Variants in ARRB1 observed in about 807,000 individuals in gnomAD.
ARRB1 encodes the protein beta-arrestin-1.
ARRB1 carries 21 observed loss-of-function variants against 56.8 expected under a neutral mutation model. The ratio of observed to expected loss-of-function variants is 0.37; its 90% CI spans 0.26 to 0.53. The LOEUF (loss-of-function observed/expected upper bound fraction) is 0.53, where lower values mean the gene tolerates loss of function less well. Among genes scored for constraint, ARRB1 ranks in the 20% least tolerant of loss-of-function variants. The pLI is 0.88. For missense variants in ARRB1, 424 were observed against 553.7 expected (o/e 0.77, Z 2.35); for synonymous variants, 210 against 218.6 (o/e 0.96, Z 0.35).
chr11:75,340,209 C>T (rs1267678029), intron 1 of ARRB1, among the ~76,000 whole-genome samples: 1 of 152,248 alleles, frequency 6.6e-6, no homozygotes, highest in African/African-American at 2.4e-5. Context: ...CAAATTATCT[C>T]AGGACGAGGC....
intron 8 of ARRB1, 89 bp from the exon 9 acceptor site, chr11:75,277,537 T>C: frequency 1.6e-6 from 2 of 1,239,350 alleles, no homozygotes; most frequent in South Asian, 2.5e-5. Context: ...CGCGATCTTC[T>C]GGGGTTCCCC....
At chr11:75,314,792 C>A (rs528090646) in intron 1 of ARRB1, among the ~76,000 whole-genome samples, 358 of 151,256 alleles carry the variant, frequency 2.4e-3, no homozygotes, top group Non-Finnish European at 2.1e-3. Flanking sequence ...TTTTTTGTAG[C>A]GATGGGGTTT....
intron 1 of ARRB1, among the ~76,000 whole-genome samples, chr11:75,294,552 G>A (rs1165605598): frequency 3.5e-5 from 5 of 142,328 alleles, no homozygotes; most frequent in South Asian, 2.3e-4. Flanking sequence ...GCAAGACTCC[G>A]TCTCAAAAAT....
chr11:75,320,723 C>T (rs569375631), intron 1 of ARRB1, among the ~76,000 whole-genome samples: 2 of 152,312 alleles, frequency 1.3e-5, no homozygotes, highest in Non-Finnish European at 2.9e-5. Flanking sequence ...ACCGCACAAA[C>T]TCAAAAACAT....
intron 1 of ARRB1, among the ~76,000 whole-genome samples, chr11:75,350,767 G>A (rs1406696283): frequency 6.6e-6 from 1 of 152,200 alleles, no homozygotes; most frequent in Non-Finnish European, 1.5e-5. Context: ...GATGAAATGC[G>A]ATCTGTTTTC....
At chr11:75,339,014 A>G (rs1382119009) in intron 1 of ARRB1, among the ~76,000 whole-genome samples, 1 of 152,146 alleles carries the variant, frequency 6.6e-6, no homozygotes, top group Non-Finnish European at 1.5e-5. Flanking sequence ...GGTAAAGGGG[A>G]GGGGAGAACC....
chr11:75,268,837 C>A, intron 14 of ARRB1, 52 bp downstream of exon 14: 1 of 1,585,964 alleles, frequency 6.3e-7, no homozygotes, highest in Non-Finnish European at 8.6e-7. Flanking sequence ...TACAGGGTCA[C>A]GTGGCAGCTG....
chr11:75,288,616 CTTT>C lies in ARRB1; in HGVS notation c.52-1244_52-1242del, dbSNP rs10580123. Among the ~76,000 whole-genome samples the C allele has an allele frequency of 8.2e-3, 1,100 of 133,536 alleles. 12 individuals carry two copies. Among genetic ancestry groups the C allele is most frequent in the African/African-American group, 0.023 (838 of 36,416 alleles). The allele number at this position is 133,536 out of a possible 152,430, so 87.6% of individuals were successfully genotyped here. A position where few individuals can be genotyped will look rare whatever the true frequency, so the allele number is the denominator to read the frequency against. ...TAGTCACCCTAAAATGCAAATCTTT[CTTT>C]TTTTTTTTTTTTTTGAGATGGAGTC... On this transcript the variant is annotated intron_variant, in intron 2 of 15. Transcript: ENST00000420843.
intron 1 of ARRB1, among the ~76,000 whole-genome samples, chr11:75,312,547 G>A (rs1200036168): frequency 2.0e-5 from 3 of 152,174 alleles, no homozygotes; most frequent in South Asian, 2.1e-4. Context: ...ACAGCCCCCC[G>A]AGATGCCCAC....
chr11:75,312,008 G>A, intron 1 of ARRB1: 5 of 1,279,858 alleles, frequency 3.9e-6, no homozygotes, highest in Non-Finnish European at 5.1e-6. Flanking sequence ...CGTTCTCGAA[G>A]GCCCAGATCG....
chr11:75,322,725 C>T (rs754526027), intron 1 of ARRB1, among the ~76,000 whole-genome samples: 7 of 152,124 alleles, frequency 4.6e-5, no homozygotes, highest in Non-Finnish European at 8.8e-5. Flanking sequence ...TGCTTTAGTA[C>T]GTTCACTTTG....
At position 75,287,523 on chromosome 11, in the gene ARRB1, C is replaced by T. The variant is rs1217499736; in HGVS notation, c.52-148G>A. ...ATCCTAAGTGGACTTGGGCCTTCAC[C>T]CCAGCCCTAATACCAAGATTCGCAA... On this transcript the variant is annotated intron_variant, in intron 2 of 15. Transcript: ENST00000420843. The T allele has an allele frequency of 9.8e-6, 7 of 715,610 alleles. No individual in the cohort carries two copies. In the East Asian group the frequency reaches 1.4e-4, roughly 15 times the overall value. 44.3% of individuals were successfully genotyped at this position (715,610 alleles called of 1,614,324 possible). A position where few individuals can be genotyped will look rare whatever the true frequency, so the allele number is the denominator to read the frequency against.
At chr11:75,341,096 G>C (rs1387344875) in intron 1 of ARRB1, among the ~76,000 whole-genome samples, 1 of 152,086 alleles carries the variant, frequency 6.6e-6, no homozygotes, top group African/African-American at 2.4e-5. Flanking sequence ...CATGGGAGAG[G>C]GAAGGAGCTG....
intron 15 of ARRB1, 50 bp downstream of exon 15, chr11:75,267,602 C>T (rs749495357): frequency 8.9e-6 from 13 of 1,462,732 alleles, no homozygotes; most frequent in East Asian, 2.3e-5. Context: ...CCCTCCACCC[C>T]GCCCACCCGC....
chr11:75,304,910 A>G (rs1041879310), intron 1 of ARRB1, among the ~76,000 whole-genome samples: 3 of 151,990 alleles, frequency 2.0e-5, no homozygotes, highest in African/African-American at 7.2e-5. Context: ...GAGGAAAAAA[A>G]AAAGTTTAAA....
intron 1 of ARRB1, among the ~76,000 whole-genome samples, chr11:75,291,642 C>G (rs2140442313): frequency 6.6e-6 from 1 of 152,204 alleles, no homozygotes; most frequent in Middle Eastern, 3.4e-3. Flanking sequence ...GCTCCAGGAT[C>G]TCTCAAAGTA....
At chr11:75,267,598 A>ACCCCCCCCCCCCC in intron 15 of ARRB1, 54 bp downstream of exon 15, 1 of 1,419,702 alleles carries the variant, frequency 7.0e-7, no homozygotes, top group Non-Finnish European at 9.9e-7. Context: ...GACCCCCTCC[A>ACCCCCCCCCCCCC]CCCCGCCCAC....
intron 10 of ARRB1, among the ~76,000 whole-genome samples, chr11:75,276,473 C>T (rs1412471701): frequency 6.6e-6 from 1 of 152,176 alleles, no homozygotes; most frequent in African/African-American, 2.4e-5. Context: ...TACCTAGTGC[C>T]TTACCCACTT....
chr11:75,347,241 C>G (rs1210724079), intron 1 of ARRB1, among the ~76,000 whole-genome samples: 1 of 152,196 alleles, frequency 6.6e-6, no homozygotes, highest in Non-Finnish European at 1.5e-5. Flanking sequence ...GACAGTGGGC[C>G]AGACTTGATG....
Sources: allele counts gnomAD v4.1 joint callset (sites outside exome capture counted in the v4.1 genomes callset), GRCh38; gene constraint gnomAD v4.1.1; transcripts MANE v1.5; gene names NCBI Gene and HGNC (gene_info 2026-07-23, HGNC 2026-07-21).